Variants in PTPN3 observed in about 807,000 individuals in gnomAD.
The protein encoded by PTPN3 is tyrosine-protein phosphatase non-receptor type 3.
PTPN3 carries 96 observed loss-of-function variants against 132.7 expected under a neutral mutation model. The observed-to-expected ratio is 0.72, with a 90% CI of 0.61 to 0.86. The LOEUF is 0.86. Among genes scored for constraint, PTPN3 ranks in the 40% least tolerant of loss-of-function variants. PTPN3 has a pLI of 0.00. For missense variants in PTPN3, 1,125 were observed against 1,159.6 expected (o/e 0.97, Z 0.43); for synonymous variants, 398 against 429.0 (o/e 0.93, Z 0.89).
At chr9:109,498,347 C>G (rs1307044391), upstream of PTPN3, 1 of 146,316 alleles carries the variant, frequency 6.8e-6, no homozygotes, top group East Asian at 2.0e-4. The surrounding 1 kb of genome is among the most constrained non-coding windows in gnomAD (Gnocchi z 4.2). Context: ...TCCCGCCGGC[C>G]GGGCTGGCCG....
intron 14 of PTPN3, chr9:109,417,532 G>T (rs565507448): frequency 5.0e-6 from 4 of 804,906 alleles, no homozygotes; most frequent in South Asian, 5.8e-5. Context: ...TAACCAACAG[G>T]TTTTTTTTTT....
chr9:109,422,795 G>A lies in PTPN3; in HGVS notation c.1059C>T (p.Ala353=), dbSNP rs1428957387. 2 of 1,611,890 alleles carry A rather than the reference G, an allele frequency of 1.2e-6. No individual in the cohort carries two copies. The highest frequency in any genetic ancestry group is 2.2e-5 in the East Asian group (1 of 44,864). Residue 353 remains alanine (A), a synonymous_variant, in exon 13 of 26, where the codon GCC becomes GCT. Coordinates refer to ENST00000374541, the MANE Select transcript of PTPN3 (RefSeq NM_002829.4). ...KVIGGMVWNP[A]MRRSLSVEHL... Reference sequence around the variant, plus strand: ...GCTCCACTGATAAGGATCTCCGCATGGCTGGGTTCCACACCATCCCGCCAA... The same window carrying A: ...GCTCCACTGATAAGGATCTCCGCATAGCTGGGTTCCACACCATCCCGCCAA...
rs1415553566 is a variant in PTPN3, at chr9:109,378,789, A to G, written c.*767T>C. 1.3e-5 allele frequency: 2 copies of G among 152,684 alleles called. No individual in the cohort carries two copies. The highest frequency in any genetic ancestry group is 2.4e-5 in the African/African-American group (1 of 41,428). The allele number at this position is 152,684 out of a possible 1,614,324, so 9.5% of individuals were successfully genotyped here. ...GGGTGCTGAGTGTGCAGTAGGAGGC[A>G]AGCAGAGGCAAGAGACACACCTGCT... is the stretch of plus-strand genomic sequence containing the variant. On this transcript the variant is annotated 3_prime_UTR_variant, in exon 26 of 26. Transcript: ENST00000374541.
chr9:109,443,365 C>T (rs1245379071), intron 7 of PTPN3, among the ~76,000 whole-genome samples: 1 of 152,114 alleles, frequency 6.6e-6, no homozygotes, highest in Admixed American at 6.5e-5. Flanking sequence ...ATGCACACCA[C>T]CATGCCCAGA....
intron 1 of PTPN3, among the ~76,000 whole-genome samples, chr9:109,491,909 A>G (rs1330634331): frequency 6.6e-6 from 1 of 152,218 alleles, no homozygotes; most frequent in African/African-American, 2.4e-5. Flanking sequence ...TTTGAGAAAA[A>G]TAGGAGTGTA....
chr9:109,473,880 G>GT (rs1477750077), intron 1 of PTPN3, among the ~76,000 whole-genome samples: 1 of 150,628 alleles, frequency 6.6e-6, no homozygotes, highest in East Asian at 1.9e-4. Context: ...ATCCTCCTGA[G>GT]TTTTTTAAAA....
At position 109,410,068 on chromosome 9, in the gene PTPN3, A is replaced by G. The variant is rs903864654; in HGVS notation, c.1509T>C (p.Asn503=). ...ASQYYCDKND[N]GDSYLVLIRI... ...GGATCAAGACTAAGTAGCTGTCACC[A>G]TTATCATTCTGGAAAACGGTTTGAA... is the stretch of plus-strand genomic sequence containing the variant. Residue 503 remains asparagine, a synonymous_variant, in exon 16 of 26, where the codon AAT becomes AAC. Coordinates refer to ENST00000374541, the MANE Select transcript of PTPN3 (RefSeq NM_002829.4). 2 of 1,614,116 alleles carry G rather than the reference A, an allele frequency of 1.2e-6. No homozygotes were observed. The highest frequency in any genetic ancestry group is 1.7e-6 in the Non-Finnish European group (2 of 1,180,056).
intron 1 of PTPN3, among the ~76,000 whole-genome samples, chr9:109,488,203 G>C (rs1229694021): frequency 6.7e-6 from 1 of 149,662 alleles, no homozygotes; most frequent in Non-Finnish European, 1.5e-5. Context: ...CCAGGTTCAA[G>C]TGATTCTCCT....
intron 7 of PTPN3, among the ~76,000 whole-genome samples, chr9:109,440,344 G>A (rs1844365612): frequency 6.6e-6 from 1 of 152,234 alleles, no homozygotes; most frequent in African/African-American, 2.4e-5. Flanking sequence ...TGCGTTCACA[G>A]GAAATCATTT....
the PTPN3 span, chr9:109,533,858 T>C: frequency 2.5e-6 from 2 of 801,722 alleles, no homozygotes; most frequent in African/African-American, 1.7e-5. Context: ...GTTTTGCTGG[T>C]AATTGGGTGG....
At chr9:109,389,476 C>G (rs1182471692) in intron 21 of PTPN3, 97 bp from the exon 22 acceptor site, 3 of 1,237,550 alleles carry the variant, frequency 2.4e-6, no homozygotes, top group Non-Finnish European at 3.3e-6. Flanking sequence ...TGATATTGCA[C>G]CAGAAAAATT....
Position 109,383,439 on chromosome 9 carries a change from A to G in PTPN3, c.2366T>C (p.Leu789Pro). 6.2e-7 allele frequency: 1 copy of G among 1,613,926 alleles called. No homozygotes were observed. The highest frequency in any genetic ancestry group is 1.1e-5 in the South Asian group (1 of 91,056). Residue 789 changes from leucine (L) to proline (P), a missense_variant, in exon 23 of 26, where the codon CTG becomes CCG. Coordinates refer to ENST00000374541, the MANE Select transcript of PTPN3 (RefSeq NM_002829.4). Reference sequence around the variant, plus strand: ...GCGGCTCACCTGGGTGTTTGTGACCAGCATTTCTCGGGACACATAGGCGAT... The same window carrying G: ...GCGGCTCACCTGGGTGTTTGTGACCGGCATTTCTCGGGACACATAGGCGAT... ...CTIAYVSREM[L>P]VTNTQTGEEH...
intron 14 of PTPN3, among the ~76,000 whole-genome samples, chr9:109,416,656 A>G (rs1842527984): frequency 6.6e-6 from 1 of 151,982 alleles, no homozygotes; most frequent in Admixed American, 6.6e-5. Flanking sequence ...CATGTTGCCC[A>G]GGCTGGTTTT....
At chr9:109,491,838 G>A (rs1440305237) in intron 1 of PTPN3, among the ~76,000 whole-genome samples, 1 of 152,142 alleles carries the variant, frequency 6.6e-6, no homozygotes, top group Non-Finnish European at 1.5e-5. Flanking sequence ...GTGAGGTGAG[G>A]GCTCAAAGAG....
rs1305176179 is a variant in PTPN3, at chr9:109,495,030, G to A, written c.-18+3189C>T. Among the ~76,000 whole-genome samples the A allele has an allele frequency of 5.9e-5, 9 of 152,110 alleles. No individual in the cohort carries two copies. The South Asian group carries it at 1.9e-3, about 31-fold the overall frequency. ...CCAGGGGCTTACCAAGCACTTCTCA[G>A]GTCCTTCTCGGCCAGAGGAAAGAAG... On this transcript the variant is annotated intron_variant, in intron 1 of 25. Transcript: ENST00000374541.
intron 1 of PTPN3, among the ~76,000 whole-genome samples, chr9:109,489,871 G>A (rs1847377083): frequency 1.3e-5 from 2 of 152,032 alleles, no homozygotes; most frequent in Non-Finnish European, 1.5e-5. Flanking sequence ...CCTGTATACA[G>A]TATGACTGCA....
chr9:109,415,068 G>A (rs139196110), intron 14 of PTPN3, among the ~76,000 whole-genome samples: 33 of 79,686 alleles, frequency 4.1e-4, no homozygotes, highest in South Asian at 2.4e-3. Context: ...CCATCCGTCC[G>A]TCCATCCAAC....
intron 12 of PTPN3, among the ~76,000 whole-genome samples, chr9:109,423,440 A>G (rs1316157034): frequency 6.6e-6 from 1 of 152,202 alleles, no homozygotes; most frequent in Non-Finnish European, 1.5e-5. Flanking sequence ...CCCTACCTCT[A>G]CTAAAAATAC....
chr9:109,404,419 A>G, intron 19 of PTPN3, 29 bp downstream of exon 19: 1 of 1,361,334 alleles, frequency 7.3e-7, no homozygotes, highest in Non-Finnish European at 9.7e-7. Context: ...GCGACATGGC[A>G]GTGGGATTCA....
Sources: gnomAD v4.1 joint callset for allele counts (sites outside exome capture counted in the v4.1 genomes callset) on GRCh38, gnomAD v4.1.1 for gene constraint, Gnocchi (gnomAD v3.1) non-coding constraint, MANE v1.5 for transcripts, NCBI Gene and HGNC (gene_info 2026-07-23, HGNC 2026-07-21) for gene names.